NAALADL2: variants seen among roughly 807,000 people sequenced by gnomAD.
NAALADL2 encodes the protein N-acetylated alpha-linked acidic dipeptidase like 2.
A neutral mutation model predicts 87.2 loss-of-function variants in NAALADL2; 76 were observed. The observed-to-expected ratio is 0.87, with a 90% CI of 0.72 to 1.05. The LOEUF (loss-of-function observed/expected upper bound fraction) is 1.05. NAALADL2 is among the 50% of genes least tolerant of loss of function. NAALADL2 has a pLI of 0.00. For synonymous variants in NAALADL2, 354 were observed against 331.0 expected, an observed-to-expected ratio of 1.07 and a Z score of -0.75; for missense variants, 1,089 against 945.8, an observed-to-expected ratio of 1.15 and a Z score of -1.99.
At chr3:174,655,712 T>C (rs567708002) in intron 2 of NAALADL2, among the ~76,000 whole-genome samples, 68 of 152,302 alleles carry the variant, frequency 4.5e-4, no homozygotes, top group African/African-American at 1.6e-3. Flanking sequence ...AATGGAATAA[T>C]TTAGATAATT....
At chr3:174,958,494 G>T (rs2108543495) in intron 1 of NAALADL2, among the ~76,000 whole-genome samples, 1 of 152,018 alleles carries the variant, frequency 6.6e-6, no homozygotes, top group African/African-American at 2.4e-5. Flanking sequence ...ATCCCCAAGG[G>T]TTTATACTCT....
chr3:175,657,612 G>C (rs988630785), intron 11 of NAALADL2, among the ~76,000 whole-genome samples: 3 of 146,650 alleles, frequency 2.0e-5, no homozygotes, highest in Admixed American at 1.4e-4. Context: ...ACGGAGTCTT[G>C]CTCTGTCCCC....
At chr3:174,944,429 C>T (rs1177510867) in intron 1 of NAALADL2, among the ~76,000 whole-genome samples, 3 of 152,152 alleles carry the variant, frequency 2.0e-5, no homozygotes, top group African/African-American at 7.2e-5. Context: ...TGTTGGCCCA[C>T]CCCTCCCCCG....
chr3:175,623,868 C>A (rs867638282), intron 10 of NAALADL2, among the ~76,000 whole-genome samples: 1 of 149,282 alleles, frequency 6.7e-6, no homozygotes, highest in East Asian at 1.9e-4. Flanking sequence ...TGTTTCTTGG[C>A]GTTTTTTTGT....
chr3:174,552,022 A>G (rs1289700870), intron 2 of NAALADL2, among the ~76,000 whole-genome samples: 2 of 152,198 alleles, frequency 1.3e-5, no homozygotes, highest in Non-Finnish European at 2.9e-5. Context: ...CCTCTTTTAC[A>G]GTTGTTTTGA....
intron 5 of NAALADL2, among the ~76,000 whole-genome samples, chr3:175,382,477 C>T (rs1767896534): frequency 8.8e-6 from 1 of 113,296 alleles, no homozygotes; most frequent in African/African-American, 3.1e-5. Context: ...AGTAATTTGC[C>T]ATCTGTTCTT....
chr3:174,785,767 G>A (rs1050984779), intron 3 of NAALADL2, among the ~76,000 whole-genome samples: 2 of 152,162 alleles, frequency 1.3e-5, no homozygotes, highest in African/African-American at 4.8e-5. Context: ...GTCTTATGCT[G>A]TTTGAAGTAT....
At chr3:174,749,995 C>A (rs969206833) in intron 3 of NAALADL2, among the ~76,000 whole-genome samples, 1 of 152,106 alleles carries the variant, frequency 6.6e-6, no homozygotes, top group African/African-American at 2.4e-5. Flanking sequence ...GGACTGCCTT[C>A]CCATGGTTCC....
At chr3:175,699,408 C>G (rs2149959490) in intron 11 of NAALADL2, among the ~76,000 whole-genome samples, 2 of 152,062 alleles carry the variant, frequency 1.3e-5, no homozygotes, top group Middle Eastern at 6.8e-3. Flanking sequence ...CTTAAGTTTG[C>G]TAACATACAT....
chr3:174,887,485 C>T (rs1730315442), intron 1 of NAALADL2, among the ~76,000 whole-genome samples: 1 of 152,064 alleles, frequency 6.6e-6, no homozygotes, highest in African/African-American at 2.4e-5. Flanking sequence ...TGAATTATGA[C>T]ATACTCATCT....
intron 11 of NAALADL2, among the ~76,000 whole-genome samples, chr3:175,691,903 A>G (rs1737098785): frequency 6.6e-6 from 1 of 152,094 alleles, no homozygotes; most frequent in Non-Finnish European, 1.5e-5. Flanking sequence ...TCTGCTTTTT[A>G]AAGGGTAAAG....
chr3:175,329,637 T>C (rs1761166498), intron 5 of NAALADL2, among the ~76,000 whole-genome samples: 1 of 152,066 alleles, frequency 6.6e-6, no homozygotes, highest in Non-Finnish European at 1.5e-5. Context: ...TTGGGGAAAA[T>C]AAAGTGTCTG....
intron 2 of NAALADL2, among the ~76,000 whole-genome samples, chr3:175,209,969 A>G (rs1282402104): frequency 6.6e-6 from 1 of 151,904 alleles, no homozygotes; most frequent in East Asian, 1.9e-4. Flanking sequence ...GAAACCCTGA[A>G]AATAGCCAAC....
At chr3:175,121,157 A>C (rs1305691033) in intron 2 of NAALADL2, among the ~76,000 whole-genome samples, 9 of 151,872 alleles carry the variant, frequency 5.9e-5, no homozygotes, top group Admixed American at 5.9e-4. Context: ...TTTCTATAAC[A>C]AGGAATAGAA....
intron 13 of NAALADL2, among the ~76,000 whole-genome samples, chr3:175,780,034 C>T (rs936522198): frequency 4.0e-5 from 6 of 151,314 alleles, no homozygotes; most frequent in Admixed American, 1.3e-4. Flanking sequence ...TCTGGGAGGC[C>T]GAGGTGGGCA....
intron 1 of NAALADL2, among the ~76,000 whole-genome samples, chr3:175,058,595 C>T (rs1712743282): frequency 6.6e-6 from 1 of 152,090 alleles, no homozygotes; most frequent in Non-Finnish European, 1.5e-5. Flanking sequence ...ATAATCAACA[C>T]TTGGTGGAGG....
chr3:175,259,017 C>A (rs1412706397), intron 4 of NAALADL2, among the ~76,000 whole-genome samples: 3 of 152,088 alleles, frequency 2.0e-5, no homozygotes, highest in Non-Finnish European at 2.9e-5. Flanking sequence ...AGGCAGTGAC[C>A]AGCCAGATTA....
chr3:174,685,874 A>G (rs1043344897), intron 2 of NAALADL2, among the ~76,000 whole-genome samples: 4 of 126,202 alleles, frequency 3.2e-5, no homozygotes, highest in African/African-American at 6.3e-5. Context: ...CTGTGTGTCC[A>G]TGTATTATCA....
At chr3:174,915,524 T>C (rs1034329011) in intron 1 of NAALADL2, among the ~76,000 whole-genome samples, 40 of 152,298 alleles carry the variant, frequency 2.6e-4, no homozygotes, top group African/African-American at 8.7e-4. Flanking sequence ...CTAAGACTCA[T>C]TCTATTGATG....
Sources: gnomAD v4.1 joint callset for allele counts (sites outside exome capture counted in the v4.1 genomes callset) on GRCh38, gnomAD v4.1.1 for gene constraint, MANE v1.5 for transcripts, NCBI Gene and HGNC (gene_info 2026-07-23, HGNC 2026-07-21) for gene names.